ERBB4: variants seen among roughly 807,000 people sequenced by gnomAD.
The protein encoded by ERBB4 is receptor tyrosine-protein kinase erbB-4.
In ERBB4, 42 loss-of-function variants were observed where a neutral mutation model predicts 158.0. The ratio of observed to expected loss-of-function variants is 0.27; its 90% CI spans 0.21 to 0.34. ERBB4 has a LOEUF of 0.34. ERBB4 is among the 10% of genes least tolerant of loss of function. The probability of loss-of-function intolerance (pLI) is 1.00; values close to 1 mark genes in which losing one functional copy is unlikely to be tolerated. For synonymous variants in ERBB4, 583 were observed against 558.7 expected (o/e 1.04, Z -0.61); for missense variants, 1,333 against 1,624.1 (o/e 0.82, Z 3.08).
chr2:211,908,670 T>C (rs2079461642), intron 3 of ERBB4, among the ~76,000 whole-genome samples: 1 of 151,886 alleles, frequency 6.6e-6, no homozygotes, highest in Admixed American at 6.6e-5. Context: ...TTGACATTAC[T>C]GCAATATAAC....
intron 8 of ERBB4, 112 bp from the exon 9 acceptor site, chr2:211,712,288 A>G: frequency 9.5e-7 from 1 of 1,049,572 alleles, no homozygotes; most frequent in South Asian, 1.5e-5. Context: ...CATATAAAAT[A>G]TATTACAAAT....
At chr2:212,055,244 T>A (rs370622350) in intron 2 of ERBB4, among the ~76,000 whole-genome samples, 1 of 152,168 alleles carries the variant, frequency 6.6e-6, no homozygotes, top group Non-Finnish European at 1.5e-5. Context: ...GCAGTGAGTC[T>A]GGGGAAGGGG....
intron 1 of ERBB4, among the ~76,000 whole-genome samples, chr2:212,450,140 A>G (rs2092423601): frequency 6.6e-6 from 1 of 152,202 alleles, no homozygotes; most frequent in South Asian, 2.1e-4. Flanking sequence ...TTTCAAACAC[A>G]ACAGAAGAAG....
chr2:212,515,047 G>C (rs1691745267), intron 1 of ERBB4, among the ~76,000 whole-genome samples: 1 of 151,972 alleles, frequency 6.6e-6, no homozygotes, highest in Non-Finnish European at 1.5e-5. Flanking sequence ...TATATAATAG[G>C]AAATATAAAA....
intron 1 of ERBB4, among the ~76,000 whole-genome samples, chr2:212,168,881 T>C (rs1326265799): frequency 1.3e-5 from 2 of 152,154 alleles, no homozygotes; most frequent in East Asian, 3.9e-4. Context: ...GTAACCTAAA[T>C]GTCAGACTAA....
intron 2 of ERBB4, among the ~76,000 whole-genome samples, chr2:212,028,372 T>C (rs1231822540): frequency 1.3e-5 from 2 of 152,156 alleles, no homozygotes; most frequent in Non-Finnish European, 2.9e-5. Context: ...TTCTTGTAAA[T>C]GTCCCCGCCT....
intron 19 of ERBB4, among the ~76,000 whole-genome samples, 190 bp from the exon 20 acceptor site, chr2:211,562,278 C>G (rs1312911296): frequency 6.6e-6 from 1 of 152,126 alleles, no homozygotes; most frequent in South Asian, 2.1e-4. Flanking sequence ...ATTAAATAAA[C>G]AACAAAGTCT....
chr2:211,859,171 C>T (rs1299753869), intron 3 of ERBB4, among the ~76,000 whole-genome samples: 1 of 152,180 alleles, frequency 6.6e-6, no homozygotes, highest in Non-Finnish European at 1.5e-5. Context: ...TCAATTTTAG[C>T]AATCAAAACT....
At chr2:212,498,130 GT>G (rs201698724) in intron 1 of ERBB4, among the ~76,000 whole-genome samples, 2,681 of 152,130 alleles carry the variant, frequency 0.018, 72 homozygotes, top group African/African-American at 0.06. Flanking sequence ...GTGTGTGTGT[GT>G]GTGTATGTGT....
At chr2:212,000,361 A>C (rs1055973455) in intron 2 of ERBB4, among the ~76,000 whole-genome samples, 1 of 151,882 alleles carries the variant, frequency 6.6e-6, no homozygotes, top group Admixed American at 6.6e-5. Flanking sequence ...AGATTACTAA[A>C]GTTTAGAAAT....
At chr2:212,007,672 A>G (rs561030917) in intron 2 of ERBB4, among the ~76,000 whole-genome samples, 2 of 152,010 alleles carry the variant, frequency 1.3e-5, no homozygotes, top group South Asian at 4.1e-4. Flanking sequence ...TTCATAACTT[A>G]TATTTATCTA....
intron 2 of ERBB4, among the ~76,000 whole-genome samples, chr2:212,111,994 T>C (rs1240460314): frequency 2.0e-5 from 3 of 152,164 alleles, no homozygotes; most frequent in Non-Finnish European, 4.4e-5. Flanking sequence ...TCAGTAAACA[T>C]CTGCTGAATG....
chr2:212,524,735 C>T (rs1692354094), intron 1 of ERBB4, among the ~76,000 whole-genome samples: 1 of 151,952 alleles, frequency 6.6e-6, no homozygotes, highest in African/African-American at 2.4e-5. Context: ...CTGTGATACA[C>T]TTATCTCAGA....
intron 12 of ERBB4, among the ~76,000 whole-genome samples, chr2:211,701,601 CA>C (rs2073243966): frequency 6.6e-6 from 1 of 151,216 alleles, no homozygotes; most frequent in Admixed American, 6.6e-5. Flanking sequence ...CTAAAAATAC[CA>C]AAAAAATTAG....
At chr2:211,644,840 T>C (rs1029635053) in intron 16 of ERBB4, among the ~76,000 whole-genome samples, 1 of 152,030 alleles carries the variant, frequency 6.6e-6, no homozygotes, top group Non-Finnish European at 1.5e-5. Flanking sequence ...CTATAGACTT[T>C]CTTCTTTTCA....
At chr2:211,398,493 T>A (rs2125346800) in intron 25 of ERBB4, among the ~76,000 whole-genome samples, 2 of 152,210 alleles carry the variant, frequency 1.3e-5, no homozygotes, top group Middle Eastern at 3.4e-3. Context: ...TTCTCCTTGA[T>A]CTCATTCTTT....
intron 1 of ERBB4, among the ~76,000 whole-genome samples, chr2:212,511,417 G>A (rs111378796): frequency 0.012 from 1,848 of 152,206 alleles, 38 homozygotes; most frequent in African/African-American, 0.042. Context: ...AGAAAGAGTC[G>A]CTTAGTTTAT....
intron 1 of ERBB4, among the ~76,000 whole-genome samples, chr2:212,473,878 C>T (rs1418864249): frequency 1.3e-5 from 2 of 151,984 alleles, no homozygotes; most frequent in African/African-American, 4.8e-5. Flanking sequence ...ATGAAAATAA[C>T]CTTTCATGAC....
intron 25 of ERBB4, among the ~76,000 whole-genome samples, chr2:211,410,155 T>C (rs891244174): frequency 1.3e-5 from 2 of 152,220 alleles, no homozygotes; most frequent in African/African-American, 4.8e-5. Context: ...TTGTCCATAT[T>C]GTAAGGAGAG....
Sources: gnomAD v4.1 joint callset for allele counts (sites outside exome capture counted in the v4.1 genomes callset) on GRCh38, gnomAD v4.1.1 for gene constraint, MANE v1.5 for transcripts, NCBI Gene and HGNC (gene_info 2026-07-23, HGNC 2026-07-21) for gene names.